The following CTNNA3 variants were observed in gnomAD, a reference collection of about 807,000 sequenced individuals.
CTNNA3 encodes the protein catenin alpha-3.
CTNNA3 carries 76 observed loss-of-function variants against 95.7 expected under a neutral mutation model. That is an observed-to-expected ratio of 0.79 (90% CI 0.66 to 0.96). The LOEUF is 0.96. CTNNA3 is among the 40% of genes least tolerant of loss of function. The pLI is 0.00. For synonymous variants in CTNNA3, 431 were observed against 374.4 expected (o/e 1.15, Z -1.74); for missense variants, 1,191 against 1,089.8 (o/e 1.09, Z -1.31).
chr10:66,456,271 C>G (rs987741778), intron 11 of CTNNA3, among the ~76,000 whole-genome samples: 57 of 152,180 alleles, frequency 3.7e-4, no homozygotes, highest in African/African-American at 1.3e-3. Flanking sequence ...AATCACCCTA[C>G]CTAAATTTAA....
chr10:67,481,420 T>A (rs1285426199), intron 5 of CTNNA3, among the ~76,000 whole-genome samples: 1 of 152,110 alleles, frequency 6.6e-6, no homozygotes, highest in East Asian at 1.9e-4. Flanking sequence ...GATAAACAAC[T>A]TCAGTAAAGT....
intron 11 of CTNNA3, among the ~76,000 whole-genome samples, chr10:66,459,481 T>C (rs2093514555): frequency 6.6e-6 from 1 of 152,180 alleles, no homozygotes; most frequent in Non-Finnish European, 1.5e-5. Context: ...CTATTTTTCA[T>C]TCCCACTGGC....
intron 14 of CTNNA3, among the ~76,000 whole-genome samples, chr10:66,095,778 T>C (rs1434303312): frequency 6.6e-6 from 1 of 152,238 alleles, no homozygotes; most frequent in Admixed American, 6.5e-5. Flanking sequence ...ATTGACGTTT[T>C]GAGGTTGTGT....
At chr10:66,598,664 C>A (rs1843809829) in intron 10 of CTNNA3, among the ~76,000 whole-genome samples, 1 of 151,524 alleles carries the variant, frequency 6.6e-6, no homozygotes, top group Admixed American at 6.6e-5. Flanking sequence ...ACATAAAGAA[C>A]AAAATACTTA....
intron 12 of CTNNA3, among the ~76,000 whole-genome samples, chr10:66,358,997 T>C (rs2132416476): frequency 6.6e-6 from 1 of 152,334 alleles, no homozygotes; most frequent in Non-Finnish European, 1.5e-5. Flanking sequence ...TAATATATCC[T>C]CAACCACAGT....
chr10:66,110,885 T>C (rs752439344), intron 13 of CTNNA3, among the ~76,000 whole-genome samples: 6 of 152,202 alleles, frequency 3.9e-5, no homozygotes, highest in African/African-American at 7.2e-5. Flanking sequence ...GGCTGTATGG[T>C]ATAACCCATT....
chr10:67,051,047 C>A (rs971297114), intron 7 of CTNNA3, among the ~76,000 whole-genome samples: 1 of 152,096 alleles, frequency 6.6e-6, no homozygotes, highest in Non-Finnish European at 1.5e-5. Context: ...TTTTCAAGAA[C>A]CTTACAATAT....
intron 15 of CTNNA3, among the ~76,000 whole-genome samples, chr10:65,995,895 T>C (rs1416921561): frequency 1.3e-5 from 2 of 152,156 alleles, no homozygotes; most frequent in Non-Finnish European, 2.9e-5. Flanking sequence ...ATGGGTGATG[T>C]TGCCAGGCCA....
At position 67,330,643 on chromosome 10, in the gene CTNNA3, AC is replaced by A. The variant is rs1841745629; in HGVS notation, c.580-110774del. 4.6e-5 allele frequency among the ~76,000 whole-genome samples: 7 copies of A among 151,830 alleles called. No homozygotes were observed. In the South Asian group the frequency reaches 1.2e-3, roughly 27 times the overall value. ...AGTTTTCATGGTGAGTCCTGCTGCCACCCCAGTACCGTCCATAAAGAAAATA... is the reference window on the plus strand; with the variant it reads ...AGTTTTCATGGTGAGTCCTGCTGCCACCCAGTACCGTCCATAAAGAAAATA... On this transcript the variant is annotated intron_variant, in intron 5 of 17. Transcript: ENST00000433211.
intron 7 of CTNNA3, among the ~76,000 whole-genome samples, chr10:67,016,335 T>A (rs943019074): frequency 6.6e-6 from 1 of 152,192 alleles, no homozygotes; most frequent in Admixed American, 6.5e-5. Flanking sequence ...CCAAATATTT[T>A]ATTTTCTTAA....
intron 14 of CTNNA3, among the ~76,000 whole-genome samples, chr10:66,090,668 G>C (rs1252521210): frequency 6.6e-6 from 1 of 151,888 alleles, no homozygotes; most frequent in Admixed American, 6.6e-5. Context: ...AGACATGTTT[G>C]GAGGCTGACT....
At chr10:66,641,529 T>C (rs576912920) in intron 9 of CTNNA3, among the ~76,000 whole-genome samples, 8 of 152,302 alleles carry the variant, frequency 5.3e-5, no homozygotes, top group African/African-American at 1.9e-4. Flanking sequence ...CACCATTAGA[T>C]GACAGGAACA....
chr10:66,246,916 A>C (rs114278120), intron 13 of CTNNA3, among the ~76,000 whole-genome samples: 2,795 of 151,848 alleles, frequency 0.018, 98 homozygotes, highest in African/African-American at 0.064. Flanking sequence ...AGCCAGATGT[A>C]GTGGTGGGTG....
intron 1 of CTNNA3, among the ~76,000 whole-genome samples, chr10:67,713,812 C>T (rs1398647062): frequency 1.3e-5 from 2 of 152,118 alleles, no homozygotes; most frequent in East Asian, 3.9e-4. Flanking sequence ...GGATGGAGAG[C>T]ATTAAGACAA....
chr10:67,455,822 G>T (rs1258187228), intron 5 of CTNNA3, among the ~76,000 whole-genome samples: 2 of 152,088 alleles, frequency 1.3e-5, no homozygotes, highest in Non-Finnish European at 2.9e-5. Context: ...GTGGAGACAT[G>T]ATGATTACAT....
chr10:67,483,398 A>C (rs1373026146), intron 5 of CTNNA3, among the ~76,000 whole-genome samples: 1 of 147,640 alleles, frequency 6.8e-6, no homozygotes, highest in Non-Finnish European at 1.5e-5. Context: ...CTGGATTAAG[A>C]AAATGTGGCA....
chr10:66,048,083 T>A (rs1304537162), intron 15 of CTNNA3, among the ~76,000 whole-genome samples: 1 of 152,084 alleles, frequency 6.6e-6, no homozygotes, highest in East Asian at 1.9e-4. Context: ...CTGTTCCTAT[T>A]AAACTACCAA....
chr10:67,277,274 A>G (rs946648816), intron 5 of CTNNA3, among the ~76,000 whole-genome samples: 1 of 152,202 alleles, frequency 6.6e-6, no homozygotes, highest in Non-Finnish European at 1.5e-5. Flanking sequence ...ACTGGCTCCC[A>G]GTACACCAGA....
intron 1 of CTNNA3, among the ~76,000 whole-genome samples, chr10:67,719,510 T>G (rs1450188414): frequency 6.6e-6 from 1 of 152,080 alleles, no homozygotes; most frequent in Non-Finnish European, 1.5e-5. Context: ...TCTTTGTTCT[T>G]ATTGGTTTCA....
Sources: gnomAD v4.1 joint callset for allele counts (sites outside exome capture counted in the v4.1 genomes callset) on GRCh38, gnomAD v4.1.1 for gene constraint, MANE v1.5 for transcripts, NCBI Gene and HGNC (gene_info 2026-07-23, HGNC 2026-07-21) for gene names.